Variants in PREX2 observed in about 807,000 individuals in gnomAD.
PREX2 encodes the protein phosphatidylinositol 3,4,5-trisphosphate-dependent Rac exchanger 2 protein.
Under a neutral mutation model 203.2 loss-of-function variants are expected in PREX2, and 107 were observed. The observed-to-expected ratio is 0.53, with a 90% CI of 0.45 to 0.62. The LOEUF is 0.62. Ranked by LOEUF, PREX2 falls within the 20% of genes least tolerant of loss-of-function variation. PREX2 has a pLI of 0.00. For missense variants in PREX2, 1,777 were observed against 1,955.9 expected (o/e 0.91, Z 1.72); for synonymous variants, 672 against 663.6 (o/e 1.01, Z -0.19).
rs531676907 is a variant in PREX2 at position 67,969,590 on chromosome 8, T to C, written c.141+17055T>C. Reference sequence around the variant, plus strand: ...ATGATTAGAGTAACATTTGAGACAGTTGGTTTGTAGTTACTCCCTCAAGTC... The same window carrying C: ...ATGATTAGAGTAACATTTGAGACAGCTGGTTTGTAGTTACTCCCTCAAGTC... On this transcript the variant is annotated intron_variant, in intron 1 of 39. Coordinates refer to ENST00000288368, the MANE Select transcript of PREX2 (RefSeq NM_024870.4). 2.6e-5 allele frequency among the ~76,000 whole-genome samples: 4 copies of C among 152,284 alleles called. No individual in the cohort carries two copies. The East Asian group carries it at 5.8e-4, about 22-fold the overall frequency.
intron 14 of PREX2, among the ~76,000 whole-genome samples, chr8:68,076,721 A>ACACG (rs1393524466): frequency 7.3e-6 from 1 of 137,202 alleles, no homozygotes; most frequent in East Asian, 2.1e-4. Context: ...ACACACACAC[A>ACACG]CACATGCATG....
intron 37 of PREX2, 117 bp downstream of exon 37, chr8:68,192,642 A>G (rs1210461268): frequency 1.4e-6 from 1 of 733,880 alleles, no homozygotes; most frequent in Admixed American, 3.4e-5. Flanking sequence ...ACTCAGGTGT[A>G]TTTGGAATAA....
rs1442864417 is a variant in PREX2, at chr8:67,952,437, A to C, written c.43A>C (p.Lys15Gln). 6.3e-7 allele frequency: 1 copy of C among 1,588,610 alleles called. No individual in the cohort carries two copies. Among genetic ancestry groups the C allele is most frequent in the Non-Finnish European group, 8.6e-7 (1 of 1,168,324 alleles). Residue 15 changes from lysine (K) to glutamine (Q), a missense_variant, in exon 1 of 40, where the codon AAG becomes CAG. Transcript: ENST00000288368. Reference sequence around the variant, plus strand: ...CGGAGACAGCCGCGCCGAGAGCGCCAAGGACCTGGAGAAGCAGCTTCGCCT... The same window carrying C: ...CGGAGACAGCCGCGCCGAGAGCGCCCAGGACCTGGAGAAGCAGCTTCGCCT... ...SRGDSRAESAKDLEKQLRLRV... is the reference protein window; with the variant it reads ...SRGDSRAESAQDLEKQLRLRV...
At chr8:68,038,021 A>G (rs949562496) in intron 6 of PREX2, 138 bp from the exon 7 acceptor site, 12 of 853,208 alleles carry the variant, frequency 1.4e-5, no homozygotes, top group South Asian at 8.7e-5. Context: ...GTGTATAACT[A>G]TCTCTACTGC....
chr8:68,086,075 A>T (rs1809680275), intron 18 of PREX2, among the ~76,000 whole-genome samples: 1 of 152,178 alleles, frequency 6.6e-6, no homozygotes, highest in African/African-American at 2.4e-5. Context: ...AAACACTGAT[A>T]ACTATGTGTT....
At chr8:68,124,715 A>G (rs1810855454) in intron 30 of PREX2, among the ~76,000 whole-genome samples, 1 of 152,166 alleles carries the variant, frequency 6.6e-6, no homozygotes, top group South Asian at 2.1e-4. Flanking sequence ...AGAATCTTAC[A>G]TTTTCATTTC....
At chr8:68,116,238 A>G (rs1585806740) in intron 26 of PREX2, among the ~76,000 whole-genome samples, 1 of 152,292 alleles carries the variant, frequency 6.6e-6, no homozygotes, top group East Asian at 1.9e-4. Context: ...TTGTGCCTAT[A>G]CAGGATTAAC....
chr8:68,209,070 T>TAAAAAAA (rs994362514), intron 37 of PREX2, among the ~76,000 whole-genome samples: 1 of 115,092 alleles, frequency 8.7e-6, no homozygotes. Context: ...TGGACTCATT[T>TAAAAAAA]AAAAAAAAAA....
intron 32 of PREX2, among the ~76,000 whole-genome samples, chr8:68,136,967 G>A (rs943398138): frequency 9.9e-5 from 15 of 151,474 alleles, no homozygotes; most frequent in African/African-American, 2.4e-4. Flanking sequence ...GTGCAGTGGC[G>A]CAATCTCAGC....
chr8:68,064,701 CA>C (rs1808965221), intron 11 of PREX2, among the ~76,000 whole-genome samples: 1 of 152,064 alleles, frequency 6.6e-6, no homozygotes, highest in African/African-American at 2.4e-5. Flanking sequence ...TAAAATGTGT[CA>C]CCTTCTCATT....
chr8:68,215,308 A>G (rs1262696618), intron 37 of PREX2, among the ~76,000 whole-genome samples: 2 of 152,232 alleles, frequency 1.3e-5, no homozygotes, highest in East Asian at 3.8e-4. Context: ...GAGATAAAGC[A>G]AGTTCTGCTT....
intron 34 of PREX2, among the ~76,000 whole-genome samples, chr8:68,152,293 A>AAAACAAAC (rs1370836940): frequency 2.1e-5 from 3 of 143,912 alleles, no homozygotes; most frequent in African/African-American, 5.6e-5. Context: ...CTCAGAGAAA[A>AAAACAAAC]AAAAAAAAAA....
chr8:67,976,448 CAGAG>C lies in PREX2; in HGVS notation c.141+23927_141+23930del, dbSNP rs10581119. 1.2e-4 allele frequency among the ~76,000 whole-genome samples: 11 copies of C among 95,588 alleles called. 1 individual carries two copies. Among genetic ancestry groups the C allele is most frequent in the East Asian group, 1.1e-3 (3 of 2,702 alleles). The allele number at this position is 95,588 out of a possible 152,430, so 62.7% of individuals were successfully genotyped here. ...GACAGAGAGAGAGATGGGAGAGAGACAGAGAGAGAGAGAGAGACAGAGACAGAGA... is the reference window on the plus strand; with the variant it reads ...GACAGAGAGAGAGATGGGAGAGAGACAGAGAGAGAGAGACAGAGACAGAGA... On this transcript the variant is annotated intron_variant, in intron 1 of 39. Transcript: ENST00000288368.
Position 67,978,639 on chromosome 8 carries a change from C to T in PREX2, c.141+26104C>T, listed in dbSNP as rs1178615012. On this transcript the variant is annotated intron_variant, in intron 1 of 39. Coordinates refer to ENST00000288368, the MANE Select transcript of PREX2 (RefSeq NM_024870.4). The stretch of plus-strand genomic sequence containing the variant: ...GGATATTTGGGTAGTTTCCAGTTGT[C>T]GACTATTGTGGATAGTTCAGTCTTC... Among the ~76,000 whole-genome samples, 10 of 152,100 alleles carry T rather than the reference C, an allele frequency of 6.6e-5. No homozygotes were observed. In the South Asian group the frequency reaches 8.3e-4, roughly 13 times the overall value.
intron 1 of PREX2, among the ~76,000 whole-genome samples, chr8:67,990,429 T>C (rs1162318711): frequency 6.6e-6 from 1 of 151,356 alleles, no homozygotes; most frequent in Non-Finnish European, 1.5e-5. Context: ...CTCCAATGGA[T>C]TCTGATTTAC....
chr8:68,002,308 C>T (rs907152821), intron 1 of PREX2, among the ~76,000 whole-genome samples: 7 of 151,786 alleles, frequency 4.6e-5, no homozygotes, highest in Non-Finnish European at 8.8e-5. Flanking sequence ...CCATCACACC[C>T]GGCTAATTTT....
rs138214957 is a variant in PREX2 at position 68,112,940 on chromosome 8, A to G, written c.3147-2813A>G. On this transcript the variant is annotated intron_variant, in intron 25 of 39. Transcript: ENST00000288368. ...AGCAATGATGATGATGTTTAAAAACACACAGGTCATTGCAACATACTGTAT... is the reference window on the plus strand; with the variant it reads ...AGCAATGATGATGATGTTTAAAAACGCACAGGTCATTGCAACATACTGTAT... 1.8e-4 allele frequency among the ~76,000 whole-genome samples: 28 copies of G among 152,356 alleles called. 1 individual carries two copies. The highest frequency in any genetic ancestry group is 6.5e-4 in the African/African-American group (27 of 41,588).
chr8:68,220,311 C>CT (rs1241761083), intron 38 of PREX2: 6 of 152,128 alleles, frequency 3.9e-5, no homozygotes, highest in Admixed American at 6.5e-5. Flanking sequence ...TTGGGCAGCA[C>CT]TTTATGTAAC....
At chr8:67,952,572 C>A (rs373967359) in intron 1 of PREX2, 37 bp downstream of exon 1, 2 of 1,590,754 alleles carry the variant, frequency 1.3e-6, no homozygotes, top group Non-Finnish European at 1.7e-6. Flanking sequence ...GACGTCCGGG[C>A]GGCGCGGGGC....
Sources: gnomAD v4.1 joint callset for allele counts (sites outside exome capture counted in the v4.1 genomes callset) on GRCh38, gnomAD v4.1.1 for gene constraint, MANE v1.5 for transcripts, NCBI Gene and HGNC (gene_info 2026-07-23, HGNC 2026-07-21) for gene names.